Variants in CNTNAP2 observed in about 807,000 individuals in gnomAD.
The protein encoded by CNTNAP2 is contactin associated protein 2, also known as contactin-associated protein-like 2.
In CNTNAP2, 98 loss-of-function variants were observed where a neutral mutation model predicts 155.2. The ratio of observed to expected loss-of-function variants is 0.63; its 90% CI spans 0.54 to 0.75. The LOEUF is 0.75. Among genes scored for constraint, CNTNAP2 ranks in the 30% least tolerant of loss-of-function variants. The pLI, the probability that CNTNAP2 is intolerant of heterozygous loss-of-function variation, is 0.00. For synonymous variants in CNTNAP2, 651 were observed against 631.2 expected (o/e 1.03, Z -0.47); for missense variants, 1,727 against 1,688.1 (o/e 1.02, Z -0.40).
chr7:146,576,808 T>C (rs1393508350), intron 1 of CNTNAP2, among the ~76,000 whole-genome samples: 1 of 152,168 alleles, frequency 6.6e-6, no homozygotes, highest in Non-Finnish European at 1.5e-5. Context: ...CGATGGATCA[T>C]GACCATTTTT....
At chr7:147,715,473 A>G (rs889355373) in intron 13 of CNTNAP2, among the ~76,000 whole-genome samples, 2 of 152,110 alleles carry the variant, frequency 1.3e-5, no homozygotes, top group Non-Finnish European at 2.9e-5. Flanking sequence ...TGCCATCTGT[A>G]TAGTCTCTTT....
intron 12 of CNTNAP2, among the ~76,000 whole-genome samples, chr7:147,570,332 T>A (rs983942458): frequency 6.6e-6 from 1 of 152,236 alleles, no homozygotes; most frequent in Non-Finnish European, 1.5e-5. Flanking sequence ...TGCTTACCTA[T>A]GTGCCTCTGT....
intron 2 of CNTNAP2, among the ~76,000 whole-genome samples, chr7:146,809,839 A>C (rs1055595864): frequency 9.9e-5 from 15 of 152,060 alleles, no homozygotes. Flanking sequence ...GCTGTACAGA[A>C]GTTTTTAGTT....
rs386411606 is a variant in CNTNAP2, at chr7:147,950,364, CAAAAAAAAAAAAAAAA to C, written c.2256-27484_2256-27469del. On this transcript the variant is annotated intron_variant, in intron 14 of 23. Coordinates refer to ENST00000361727, the MANE Select transcript of CNTNAP2 (RefSeq NM_014141.6). ...AGCTTAAGCTATACACATAGAGAGG[CAAAAAAAAAAAAAAAA>C]AAAAAAAAAAAAAGACCTTACAGTT... 1.6e-4 allele frequency among the ~76,000 whole-genome samples: 9 copies of C among 55,782 alleles called. 2 individuals carry two copies. The South Asian group carries it at 2.4e-3, about 15-fold the overall frequency. The allele number at this position is 55,782 out of a possible 152,430, so 36.6% of individuals were successfully genotyped here.
intron 3 of CNTNAP2, among the ~76,000 whole-genome samples, chr7:146,993,206 C>G (rs1456804501): frequency 2.0e-5 from 3 of 152,166 alleles, no homozygotes; most frequent in Non-Finnish European, 4.4e-5. Flanking sequence ...GACCTTCTGA[C>G]TTGGGGTTGG....
intron 1 of CNTNAP2, among the ~76,000 whole-genome samples, chr7:146,451,009 T>C (rs970919710): frequency 3.3e-5 from 5 of 151,962 alleles, no homozygotes; most frequent in South Asian, 4.1e-4. Context: ...TGCAGTGGCG[T>C]GGTCTTGGCT....
intron 19 of CNTNAP2, among the ~76,000 whole-genome samples, chr7:148,220,529 C>A (rs1019015169): frequency 1.3e-5 from 2 of 151,376 alleles, no homozygotes; most frequent in African/African-American, 4.9e-5. Context: ...ATTTATGAAT[C>A]GTGATTAATG....
At chr7:147,168,960 A>G (rs538806501) in intron 8 of CNTNAP2, among the ~76,000 whole-genome samples, 7 of 152,334 alleles carry the variant, frequency 4.6e-5, no homozygotes, top group African/African-American at 1.7e-4. Context: ...CAGTGCCTTT[A>G]TAAGACCAAA....
intron 1 of CNTNAP2, among the ~76,000 whole-genome samples, chr7:146,298,838 G>A (rs368269291): frequency 6.6e-6 from 1 of 152,158 alleles, no homozygotes; most frequent in African/African-American, 2.4e-5. Flanking sequence ...TTAATTTGAG[G>A]AATGGAAGAG....
intron 3 of CNTNAP2, among the ~76,000 whole-genome samples, chr7:146,910,324 CA>C (rs1328998539): frequency 3.3e-5 from 5 of 149,996 alleles, no homozygotes; most frequent in Admixed American, 3.3e-4. Context: ...CATATGGTAC[CA>C]AAAAAGAGCC....
chr7:147,462,790 T>A (rs1339919153), intron 10 of CNTNAP2, among the ~76,000 whole-genome samples: 1 of 152,144 alleles, frequency 6.6e-6, no homozygotes, highest in Non-Finnish European at 1.5e-5. Context: ...TGTTTGTTGG[T>A]TTTTTTGAGA....
At chr7:147,580,510 C>A (rs1800478633) in intron 12 of CNTNAP2, among the ~76,000 whole-genome samples, 1 of 152,130 alleles carries the variant, frequency 6.6e-6, no homozygotes, top group Non-Finnish European at 1.5e-5. Flanking sequence ...AGCATCTTCA[C>A]AGAATTAACC....
At chr7:147,443,053 T>A (rs1797670804) in intron 10 of CNTNAP2, among the ~76,000 whole-genome samples, 1 of 152,096 alleles carries the variant, frequency 6.6e-6, no homozygotes, top group African/African-American at 2.4e-5. Flanking sequence ...TCACCCCCAG[T>A]CAGCTGGGTT....
At chr7:146,405,202 G>T (rs540722770) in intron 1 of CNTNAP2, among the ~76,000 whole-genome samples, 2 of 152,286 alleles carry the variant, frequency 1.3e-5, no homozygotes, top group Admixed American at 1.3e-4. Flanking sequence ...GCTACCTGCA[G>T]CCCTGTCCTG....
chr7:147,492,550 C>T (rs1270484626), intron 11 of CNTNAP2, among the ~76,000 whole-genome samples: 4 of 152,112 alleles, frequency 2.6e-5, no homozygotes, highest in Non-Finnish European at 5.9e-5. Flanking sequence ...ATCCTTGCTA[C>T]AGGGAAGTTA....
chr7:146,536,257 T>C (rs552067878), intron 1 of CNTNAP2, among the ~76,000 whole-genome samples: 73 of 151,728 alleles, frequency 4.8e-4, no homozygotes, highest in African/African-American at 1.7e-3. Context: ...CTTTCTGCAA[T>C]TGTTCACTTG....
At chr7:148,301,130 C>G (rs941873262) in intron 21 of CNTNAP2, among the ~76,000 whole-genome samples, 19 of 151,550 alleles carry the variant, frequency 1.3e-4, no homozygotes, top group African/African-American at 4.4e-4. Flanking sequence ...CGCGTCTGTA[C>G]TAAAAATACA....
intron 13 of CNTNAP2, among the ~76,000 whole-genome samples, chr7:147,669,390 T>C (rs1021169049): frequency 6.6e-6 from 1 of 152,182 alleles, no homozygotes; most frequent in African/African-American, 2.4e-5. Flanking sequence ...TTGTAACATA[T>C]CTTTGCATAG....
At chr7:148,194,275 G>T (rs536474244) in intron 18 of CNTNAP2, among the ~76,000 whole-genome samples, 6 of 152,022 alleles carry the variant, frequency 3.9e-5, no homozygotes, top group Admixed American at 3.9e-4. Flanking sequence ...GAGATTACAG[G>T]CATGACCCAA....
Sources: gnomAD v4.1 joint callset for allele counts (sites outside exome capture counted in the v4.1 genomes callset) on GRCh38, gnomAD v4.1.1 for gene constraint, MANE v1.5 for transcripts, NCBI Gene and HGNC (gene_info 2026-07-23, HGNC 2026-07-21) for gene names.